HS6ST3: variants seen among roughly 807,000 people sequenced by gnomAD.
The protein encoded by HS6ST3 is heparan sulfate 6-O-sulfotransferase 3.
In HS6ST3, 12 loss-of-function variants were observed where a neutral mutation model predicts 36.7. The observed-to-expected ratio is 0.33, with a 90% CI of 0.21 to 0.53. The LOEUF (loss-of-function observed/expected upper bound fraction) is 0.53. HS6ST3 is among the 20% of genes least tolerant of loss of function. HS6ST3 has a pLI of 0.95. For missense variants in HS6ST3, 584 were observed against 640.9 expected (o/e 0.91, Z 0.96); for synonymous variants, 240 against 257.5 (o/e 0.93, Z 0.65).
intron 1 of HS6ST3, among the ~76,000 whole-genome samples, chr13:96,385,470 A>G (rs997431630): frequency 4.6e-5 from 7 of 152,112 alleles, no homozygotes; most frequent in African/African-American, 1.7e-4. Context: ...TACTTCTGCA[A>G]AAAGGTAGAT....
At chr13:96,700,730 A>C (rs935373230) in intron 1 of HS6ST3, among the ~76,000 whole-genome samples, 2 of 152,162 alleles carry the variant, frequency 1.3e-5, no homozygotes, top group Non-Finnish European at 2.9e-5. Context: ...TGTAAGGAGA[A>C]ATAGAATTTA....
At chr13:96,228,640 A>G (rs1381557010) in intron 1 of HS6ST3, among the ~76,000 whole-genome samples, 2 of 152,190 alleles carry the variant, frequency 1.3e-5, no homozygotes. Context: ...AGCCATACAA[A>G]TACAGGCAAT....
chr13:96,289,367 G>T (rs1306698464), intron 1 of HS6ST3, among the ~76,000 whole-genome samples: 1 of 152,154 alleles, frequency 6.6e-6, no homozygotes, highest in Non-Finnish European at 1.5e-5. Context: ...TGACAACAGT[G>T]TTGTGTGGGA....
At chr13:96,627,698 T>A (rs1165757747) in intron 1 of HS6ST3, among the ~76,000 whole-genome samples, 1 of 152,018 alleles carries the variant, frequency 6.6e-6, no homozygotes, top group Non-Finnish European at 1.5e-5. Context: ...AACTATGGAT[T>A]TACTTGTACT....
intron 1 of HS6ST3, among the ~76,000 whole-genome samples, chr13:96,122,101 C>T (rs1435971272): frequency 2.1e-5 from 2 of 95,680 alleles, no homozygotes; most frequent in Non-Finnish European, 4.4e-5. Flanking sequence ...ATCAAAATAA[C>T]CCTTTCAGGT....
chr13:96,356,325 A>G (rs934433278), intron 1 of HS6ST3, among the ~76,000 whole-genome samples: 8 of 152,132 alleles, frequency 5.3e-5, no homozygotes, highest in African/African-American at 1.9e-4. Context: ...CTTTCCAGAA[A>G]GTTTTAAAAT....
At chr13:96,581,242 C>T (rs1405760564) in intron 1 of HS6ST3, among the ~76,000 whole-genome samples, 11 of 143,626 alleles carry the variant, frequency 7.7e-5, no homozygotes, top group Middle Eastern at 3.9e-3. Context: ...TTTTTTGAGA[C>T]GGAGTCTCAC....
intron 1 of HS6ST3, among the ~76,000 whole-genome samples, chr13:96,304,716 T>TTCTTTCTTTCTTTCTTTC (rs1165990616): frequency 6.0e-5 from 8 of 134,404 alleles, no homozygotes; most frequent in South Asian, 2.7e-4. Context: ...TCTTTCTTTT[T>TTCTTTCTTTCTTTCTTTC]TTTTTTTTTT....
intron 1 of HS6ST3, among the ~76,000 whole-genome samples, chr13:96,407,178 C>T (rs899490702): frequency 2.0e-4 from 30 of 152,184 alleles, no homozygotes; most frequent in Admixed American, 1.8e-3. Flanking sequence ...GTATTCTTTG[C>T]GAAATTTTAA....
At chr13:96,304,142 CAAA>C (rs71113990) in intron 1 of HS6ST3, among the ~76,000 whole-genome samples, 2 of 135,742 alleles carry the variant, frequency 1.5e-5, no homozygotes, top group Non-Finnish European at 1.6e-5. Flanking sequence ...GACTCCATCT[CAAA>C]AAAAAAAAAA....
chr13:96,193,786 G>A (rs1404907841), intron 1 of HS6ST3, among the ~76,000 whole-genome samples: 1 of 152,162 alleles, frequency 6.6e-6, no homozygotes, highest in African/African-American at 2.4e-5. Flanking sequence ...TTTAGAAAGA[G>A]GAGTAGTGAA....
chr13:96,349,542 A>T (rs918832377), intron 1 of HS6ST3, among the ~76,000 whole-genome samples: 2 of 152,226 alleles, frequency 1.3e-5, no homozygotes, highest in Admixed American at 6.5e-5. Context: ...AACCTCATGA[A>T]GATTCAGAGT....
chr13:96,367,181 T>G (rs146375035), intron 1 of HS6ST3, among the ~76,000 whole-genome samples: 81 of 152,332 alleles, frequency 5.3e-4, no homozygotes, highest in African/African-American at 1.8e-3. Flanking sequence ...GCCAAATAGA[T>G]TAAAAGCCAT....
intron 1 of HS6ST3, among the ~76,000 whole-genome samples, chr13:96,319,536 T>A (rs1220413468): frequency 6.6e-6 from 1 of 152,206 alleles, no homozygotes; most frequent in Admixed American, 6.5e-5. Flanking sequence ...GGTCATAGGG[T>A]AACTCTATAT....
At chr13:96,110,406 A>G (rs1389177119) in intron 1 of HS6ST3, among the ~76,000 whole-genome samples, 2 of 146,544 alleles carry the variant, frequency 1.4e-5, no homozygotes, top group African/African-American at 2.5e-5. Context: ...AACATAGGGG[A>G]TCACATTTCT....
intron 1 of HS6ST3, among the ~76,000 whole-genome samples, chr13:96,556,591 A>G (rs988500): frequency 0.099 from 15,003 of 152,166 alleles, 1,409 homozygotes; most frequent in African/African-American, 0.25. Flanking sequence ...TTACCCCTTG[A>G]CCATTAAAAA....
intron 1 of HS6ST3, among the ~76,000 whole-genome samples, chr13:96,276,415 C>A (rs996217399): frequency 6.6e-6 from 1 of 152,156 alleles, no homozygotes; most frequent in African/African-American, 2.4e-5. Context: ...ATTTTTTGAG[C>A]AAGTCCCCAA....
intron 1 of HS6ST3, among the ~76,000 whole-genome samples, chr13:96,751,746 G>T (rs1876705098): frequency 2.0e-5 from 3 of 151,864 alleles, no homozygotes; most frequent in Admixed American, 6.6e-5. Context: ...TCAGTGGCTT[G>T]TGTGTATGTG....
At chr13:96,197,454 TATC>T in intron 1 of HS6ST3, among the ~76,000 whole-genome samples, 1 of 152,106 alleles carries the variant, frequency 6.6e-6, no homozygotes, top group Non-Finnish European at 1.5e-5. Context: ...AGCCAAAACA[TATC>T]ATTCTGCCCC....
Sources: allele counts gnomAD v4.1 joint callset (sites outside exome capture counted in the v4.1 genomes callset), GRCh38; gene constraint gnomAD v4.1.1; transcripts MANE v1.5; gene names NCBI Gene and HGNC (gene_info 2026-07-23, HGNC 2026-07-21).